Variants in ZNF562 observed in about 807,000 individuals in gnomAD.
The protein encoded by ZNF562 is zinc finger protein 562.
ZNF562 carries 13 observed loss-of-function variants against 17.5 expected under a neutral mutation model. The ratio of observed to expected loss-of-function variants is 0.74; its 90% CI spans 0.48 to 1.18. ZNF562 has a LOEUF of 1.18. Ranked by LOEUF, ZNF562 falls within the 50% of genes most tolerant of loss-of-function variation. The pLI, the probability that ZNF562 is intolerant of heterozygous loss-of-function variation, is 0.00. For synonymous variants in ZNF562, 163 were observed against 165.4 expected (o/e 0.99, Z 0.11); for missense variants, 481 against 498.5 (o/e 0.96, Z 0.33).
At position 9,658,232 on chromosome 19, in the gene ZNF562, T is replaced by C. The variant is rs2043594786; in HGVS notation, c.115-97A>G. On this transcript the variant is annotated intron_variant, in intron 3 of 5. Coordinates refer to ENST00000453372, the MANE Select transcript of ZNF562 (RefSeq NM_001130031.2). Reference sequence around the variant, plus strand: ...GGGGAACCTTATACTCACTTATACGTGGTTCTCAAGTCTCCCATGATCTAC... The same window carrying C: ...GGGGAACCTTATACTCACTTATACGCGGTTCTCAAGTCTCCCATGATCTAC... 2.6e-5 allele frequency: 37 copies of C among 1,446,240 alleles called. 1 individual carries two copies. In the South Asian group the frequency reaches 5.2e-4, roughly 20 times the overall value. 89.6% of individuals were successfully genotyped at this position (1,446,240 alleles called of 1,614,324 possible). A position where few individuals can be genotyped will look rare whatever the true frequency, so the allele number is the denominator to read the frequency against.
At chr19:9,670,439 A>G (rs1645237654) in intron 1 of ZNF562, among the ~76,000 whole-genome samples, 1 of 152,222 alleles carries the variant, frequency 6.6e-6, no homozygotes, top group Non-Finnish European at 1.5e-5. Context: ...TAAGTGTCTA[A>G]CAATGAAAGA....
chr19:9,670,676 G>A (rs919276740), intron 1 of ZNF562, among the ~76,000 whole-genome samples: 21 of 152,102 alleles, frequency 1.4e-4, no homozygotes, highest in African/African-American at 4.6e-4. Context: ...AGAAGGGTAG[G>A]AAGGAGACGG....
intron 1 of ZNF562, among the ~76,000 whole-genome samples, chr19:9,671,861 C>T (rs1156401698): frequency 1.3e-5 from 2 of 152,180 alleles, no homozygotes. Flanking sequence ...TAGCACATGA[C>T]AGAGAATGAA....
At position 9,642,791 on chromosome 19, in the gene ZNF562, G is replaced by A. The variant is rs1403495919; in HGVS notation, c.*10158C>T. The A allele has an allele frequency of 6.6e-6, 1 of 151,596 alleles. No homozygotes were observed. The highest frequency in any genetic ancestry group is 1.5e-5 in the Non-Finnish European group (1 of 67,980). The allele number at this position is 151,596 out of a possible 1,614,324, so 9.4% of individuals were successfully genotyped here. On this transcript the variant is annotated 3_prime_UTR_variant, in exon 6 of 6. Coordinates refer to ENST00000453372, the MANE Select transcript of ZNF562 (RefSeq NM_001130031.2). The stretch of plus-strand genomic sequence containing the variant: ...CCCTGTCATCCTAGCATTTTGGGAG[G>A]CTGATGCAGAAGGATAACTTGAACA...
Position 9,659,929 on chromosome 19 carries a change from T to TAAAAA in ZNF562, c.26-467_26-463dup, listed in dbSNP as rs763657709. ...CAACATGGCAAAACCCCGTCTCTAC[T>TAAAAA]AAAAAAAAAAAAAAAAAAAAAAAAA... On this transcript the variant is annotated intron_variant, in intron 2 of 5. Transcript: ENST00000453372. Among the ~76,000 whole-genome samples the TAAAAA allele has an allele frequency of 8.0e-5, 3 of 37,378 alleles. 1 individual carries two copies. Among genetic ancestry groups the TAAAAA allele is most frequent in the Non-Finnish European group, 1.4e-4 (3 of 21,662 alleles). 24.5% of individuals were successfully genotyped at this position (37,378 alleles called of 152,430 possible). A position where few individuals can be genotyped will look rare whatever the true frequency, so the allele number is the denominator to read the frequency against.
chr19:9,660,669 G>T lies in ZNF562; in HGVS notation c.25+51C>A, dbSNP rs1339802898. On this transcript the variant is annotated intron_variant, in intron 2 of 5. Coordinates refer to ENST00000453372, the MANE Select transcript of ZNF562 (RefSeq NM_001130031.2). ...CAGCTCACTGGACTCTTATGTTGTG[G>T]AGGGCGACCTAAAGCAGAATCTCTG... is the stretch of plus-strand genomic sequence containing the variant. The T allele has an allele frequency of 2.5e-6, 4 of 1,600,218 alleles. No individual in the cohort carries two copies. In the African/African-American group the frequency reaches 4.0e-5, roughly 16 times the overall value.
rs183643381 is a variant in ZNF562 at position 9,670,278 on chromosome 19, C to G, written c.-131+4737G>C. Among the ~76,000 whole-genome samples the G allele has an allele frequency of 2.0e-5, 3 of 151,986 alleles. No individual in the cohort carries two copies. The East Asian group carries it at 5.8e-4, about 29-fold the overall frequency. On this transcript the variant is annotated intron_variant, in intron 1 of 5. Transcript: ENST00000453372. ...AACAAAAAAAACAGTATGGGGGTTTCTCAAAAAATTAAAAATAGAACTACC... is the reference window on the plus strand; with the variant it reads ...AACAAAAAAAACAGTATGGGGGTTTGTCAAAAAATTAAAAATAGAACTACC...
intron 2 of ZNF562, among the ~76,000 whole-genome samples, chr19:9,660,486 G>C (rs1239348843): frequency 6.6e-6 from 1 of 151,708 alleles, no homozygotes; most frequent in Non-Finnish European, 1.5e-5. Context: ...TTAGCCTGTG[G>C]TCCCAGTGAC....
rs2074798279 is a variant in ZNF562, at chr19:9,645,174, G to A, written c.*7775C>T. On this transcript the variant is annotated 3_prime_UTR_variant, in exon 6 of 6. Coordinates refer to ENST00000453372, the MANE Select transcript of ZNF562 (RefSeq NM_001130031.2). ...GTGATTCTCCCATCTCAGCCCCCAA[G>A]TAGCTGGGACTACAGGTGAGTGCCA... The A allele has an allele frequency of 6.6e-6, 1 of 151,914 alleles. No individual in the cohort carries two copies. The highest frequency in any genetic ancestry group is 2.4e-5 in the African/African-American group (1 of 41,332). 9.4% of individuals were successfully genotyped at this position (151,914 alleles called of 1,614,324 possible).
At position 9,645,779 on chromosome 19, in the gene ZNF562, C is replaced by T. The variant is rs961908748; in HGVS notation, c.*7170G>A. On this transcript the variant is annotated 3_prime_UTR_variant, in exon 6 of 6. Transcript: ENST00000453372. ...GTGTAGTAAGTGTATATGGGAATCA[C>T]TTTATTCAAACAGTGTAGTGCACTT... The T allele has an allele frequency of 6.6e-6, 1 of 152,164 alleles. No homozygotes were observed. The highest frequency in any genetic ancestry group is 2.4e-5 in the African/African-American group (1 of 41,428). The allele number at this position is 152,164 out of a possible 1,614,324, so 9.4% of individuals were successfully genotyped here. A position where few individuals can be genotyped will look rare whatever the true frequency, so the allele number is the denominator to read the frequency against.
chr19:9,657,382 A>G (rs2043540503), intron 4 of ZNF562, among the ~76,000 whole-genome samples: 2 of 148,704 alleles, frequency 1.3e-5, no homozygotes, highest in South Asian at 2.2e-4. Flanking sequence ...TGACAGAGTG[A>G]GACTCCCTCA....
rs1467908304 is a variant in ZNF562 at position 9,649,754 on chromosome 19, G to T, written c.*3195C>A. On this transcript the variant is annotated 3_prime_UTR_variant, in exon 6 of 6. Transcript: ENST00000453372. ...CATTAGCAATTTTAATTTCACCTTG[G>T]TCCTGTGATCTCGCCCTGCCTCCAC... 2 of 152,108 alleles carry T rather than the reference G, an allele frequency of 1.3e-5. No individual in the cohort carries two copies. Among genetic ancestry groups the T allele is most frequent in the East Asian group, 1.9e-4 (1 of 5,190 alleles). The allele number at this position is 152,108 out of a possible 1,614,324, so 9.4% of individuals were successfully genotyped here. A position where few individuals can be genotyped will look rare whatever the true frequency, so the allele number is the denominator to read the frequency against.
At chr19:9,655,046 C>T (rs568380649) in intron 5 of ZNF562, among the ~76,000 whole-genome samples, 18 of 152,228 alleles carry the variant, frequency 1.2e-4, no homozygotes, top group Admixed American at 2.6e-4. Flanking sequence ...GGCTGGGTAC[C>T]ATGGCACAAT....
intron 1 of ZNF562, among the ~76,000 whole-genome samples, chr19:9,673,601 C>G (rs1443493712): frequency 2.0e-5 from 3 of 151,862 alleles, no homozygotes; most frequent in African/African-American, 7.3e-5. Flanking sequence ...TCTGGCCTGG[C>G]TTTAAGTAGA....
intron 2 of ZNF562, among the ~76,000 whole-genome samples, chr19:9,659,924 T>A (rs2043661637): frequency 1.3e-5 from 1 of 79,658 alleles, no homozygotes. Context: ...AAACCCCGTC[T>A]CTACTAAAAA....
chr19:9,663,663 T>C (rs2043841965), intron 1 of ZNF562, among the ~76,000 whole-genome samples: 3 of 151,882 alleles, frequency 2.0e-5, no homozygotes, highest in African/African-American at 4.8e-5. Context: ...ACTGTAGCTA[T>C]TGTTCTTTTT....
intron 1 of ZNF562, among the ~76,000 whole-genome samples, chr19:9,662,377 C>A (rs1159300603): frequency 1.3e-5 from 2 of 151,906 alleles, no homozygotes; most frequent in East Asian, 3.9e-4. Flanking sequence ...AGTTCAAGAC[C>A]AGCCTGGCCA....
chr19:9,670,667 G>A (rs944845124), intron 1 of ZNF562, among the ~76,000 whole-genome samples: 10 of 152,112 alleles, frequency 6.6e-5, no homozygotes, highest in African/African-American at 2.4e-4. Context: ...CTAGAGGCCA[G>A]AAGGGTAGGA....
chr19:9,660,974 A>C, intron 1 of ZNF562, 100 bp from the exon 2 acceptor site: 2 of 425,612 alleles, frequency 4.7e-6, no homozygotes, highest in East Asian at 7.1e-5. Flanking sequence ...AGGCCACCAA[A>C]AACTGTATAC....
Sources: allele counts gnomAD v4.1 joint callset (sites outside exome capture counted in the v4.1 genomes callset), GRCh38; gene constraint gnomAD v4.1.1; transcripts MANE v1.5; gene names NCBI Gene and HGNC (gene_info 2026-07-23, HGNC 2026-07-21).